Variants in ZNF626 observed in about 807,000 individuals in gnomAD.
The protein encoded by ZNF626 is CTC-513N18.7.
Under a neutral mutation model 11.7 loss-of-function variants are expected in ZNF626, and 4 were observed. The ratio of observed to expected loss-of-function variants is 0.34; its 90% CI spans 0.17 to 0.78. The LOEUF (loss-of-function observed/expected upper bound fraction) is 0.78. ZNF626 is among the 30% of genes least tolerant of loss of function. The probability of loss-of-function intolerance (pLI) is 0.57; values close to 1 mark genes in which losing one functional copy is unlikely to be tolerated. For missense variants in ZNF626, 588 were observed against 587.1 expected, an observed-to-expected ratio of 1.00 and a Z score of -0.01; for synonymous variants, 179 against 198.6, an observed-to-expected ratio of 0.90 and a Z score of 0.83.
rs1389149047 is a variant in ZNF626 at position 20,661,532 on chromosome 19, G to A, written c.-86C>T. On this transcript the variant is annotated 5_prime_UTR_variant, in exon 1 of 4. Coordinates refer to ENST00000601440, the MANE Select transcript of ZNF626 (RefSeq NM_001076675.3). ...GGGGCCACACAGCCTGGGCCTTTAG[G>A]AGAAGAACCAGACCTGGAGCTCTGA... 47 of 1,154,834 alleles carry A rather than the reference G, an allele frequency of 4.1e-5. No individual in the cohort carries two copies. In the South Asian group the frequency reaches 4.5e-4, roughly 11 times the overall value. The allele number at this position is 1,154,834 out of a possible 1,614,324, so 71.5% of individuals were successfully genotyped here.
At chr19:20,650,166 A>C (rs1245854999) in intron 1 of ZNF626, among the ~76,000 whole-genome samples, 1 of 152,024 alleles carries the variant, frequency 6.6e-6, no homozygotes, top group Non-Finnish European at 1.5e-5. Flanking sequence ...GCCGGTACTA[A>C]GTGTATGATA....
chr19:20,652,893 CT>C (rs142149295), intron 1 of ZNF626, among the ~76,000 whole-genome samples: 8 of 152,244 alleles, frequency 5.3e-5, no homozygotes, highest in African/African-American at 1.9e-4. Context: ...TGTCTACTCA[CT>C]ACACACGTTA....
chr19:20,654,188 C>T (rs1460980332), intron 1 of ZNF626, among the ~76,000 whole-genome samples: 1 of 152,214 alleles, frequency 6.6e-6, no homozygotes, highest in East Asian at 1.9e-4. Context: ...AGCCTGTAAT[C>T]CCAGCACTTT....
chr19:20,656,853 A>T (rs1970210745), intron 1 of ZNF626, among the ~76,000 whole-genome samples: 1 of 152,228 alleles, frequency 6.6e-6, no homozygotes, highest in South Asian at 2.1e-4. Flanking sequence ...GTGGGAGTGT[A>T]AATTAGTTCA....
At position 20,625,296 on chromosome 19, in the gene ZNF626, AT is replaced by A; in HGVS notation, c.580del (p.Ile194PhefsTer84). Reference sequence around the variant, plus strand: ...TTTGTAGGGTTTCCCTCCAGTATGAATTTTCTTATGTGTAGTAAGAGTTGAG... The same window carrying A: ...TTTGTAGGGTTTCCCTCCAGTATGAATTTCTTATGTGTAGTAAGAGTTGAG... ...QFSTLTTHKK[I>X]HTGGKPYKCE... On this transcript the variant is annotated frameshift_variant, in exon 4 of 4. Transcript: ENST00000601440. LOFTEE classifies it low-confidence loss of function (END_TRUNC). 1 of 1,613,912 alleles carries A rather than the reference AT, an allele frequency of 6.2e-7. No individual in the cohort carries two copies. The highest frequency in any genetic ancestry group is 8.5e-7 in the Non-Finnish European group (1 of 1,179,994).
At chr19:20,628,975 G>A (rs868934675) in intron 3 of ZNF626, among the ~76,000 whole-genome samples, 121 of 152,236 alleles carry the variant, frequency 7.9e-4, no homozygotes, top group African/African-American at 2.8e-3. Flanking sequence ...TGTAAGGAAC[G>A]GATCCAGTTT....
chr19:20,643,761 A>G (rs1970047137), intron 3 of ZNF626, among the ~76,000 whole-genome samples: 1 of 152,198 alleles, frequency 6.6e-6, no homozygotes, highest in Non-Finnish European at 1.5e-5. Context: ...ACTGTTGGAG[A>G]GAAATGCTTC....
intron 1 of ZNF626, among the ~76,000 whole-genome samples, chr19:20,648,189 AAAG>A (rs1311120233): frequency 6.1e-4 from 93 of 151,654 alleles, no homozygotes; most frequent in Middle Eastern, 3.4e-3. Flanking sequence ...AAAAAAAAAA[AAAG>A]AATCATCAGT....
At chr19:20,641,762 C>G (rs1251502417) in intron 3 of ZNF626, among the ~76,000 whole-genome samples, 1 of 151,794 alleles carries the variant, frequency 6.6e-6, no homozygotes, top group African/African-American at 2.4e-5. Flanking sequence ...CATATGTTCC[C>G]CAGGCTGGTC....
At chr19:20,626,221 G>A (rs956608253) in intron 3 of ZNF626, among the ~76,000 whole-genome samples, 10 of 152,092 alleles carry the variant, frequency 6.6e-5, no homozygotes, top group African/African-American at 2.2e-4. Context: ...GAGATTCCCA[G>A]AATCTCTAGT....
chr19:20,651,082 G>C (rs773339721), intron 1 of ZNF626, among the ~76,000 whole-genome samples: 1 of 151,736 alleles, frequency 6.6e-6, no homozygotes, highest in Non-Finnish European at 1.5e-5. Flanking sequence ...AGCTACTTGG[G>C]AGGCTGAGGC....
intron 3 of ZNF626, among the ~76,000 whole-genome samples, chr19:20,643,074 A>G (rs1555771634): frequency 6.6e-6 from 1 of 152,100 alleles, no homozygotes; most frequent in Non-Finnish European, 1.5e-5. Flanking sequence ...TGTACTCATC[A>G]TATACAGGTA....
In ZNF626 at chr19:20,624,372, ATTCTCTC is replaced by A; in HGVS notation, c.1498_1504del (p.Glu500SerfsTer10). The A allele has an allele frequency of 9.8e-6, 8 of 816,860 alleles. 4 individuals are homozygous for A. Among genetic ancestry groups the A allele is most frequent in the East Asian group, 7.1e-5 (2 of 28,102 alleles). 50.6% of individuals were successfully genotyped at this position (816,860 alleles called of 1,614,324 possible). On this transcript the variant is annotated frameshift_variant, in exon 4 of 4. Coordinates refer to ENST00000601440, the MANE Select transcript of ZNF626 (RefSeq NM_001076675.3). LOFTEE classifies it low-confidence loss of function (END_TRUNC). ...ATTTGTAGAATTTCTCTCCAGTATG[ATTCTCTC>A]ATGTGTAGTAAGGATTGAGGACTGG... is the stretch of plus-strand genomic sequence containing the variant.
intron 3 of ZNF626, among the ~76,000 whole-genome samples, chr19:20,635,786 T>C (rs868948611): frequency 3.3e-5 from 5 of 152,030 alleles, no homozygotes; most frequent in Admixed American, 1.3e-4. Context: ...CAAAAATAAA[T>C]AGACGCTGAA....
chr19:20,645,066 AGTG>A (rs1208241262), intron 3 of ZNF626: 2 of 209,890 alleles, frequency 9.5e-6, no homozygotes, highest in Non-Finnish European at 1.8e-5. Context: ...TTAAAATTGC[AGTG>A]GTACTATTTT....
intron 1 of ZNF626, among the ~76,000 whole-genome samples, chr19:20,659,745 T>C (rs1970244039): frequency 6.6e-6 from 1 of 151,638 alleles, no homozygotes; most frequent in Non-Finnish European, 1.5e-5. Flanking sequence ...AAATCTAATA[T>C]TCTTATTTTA....
At chr19:20,645,279 T>C (rs1970062982) in intron 3 of ZNF626, 2 of 1,489,722 alleles carry the variant, frequency 1.3e-6, no homozygotes, top group Admixed American at 5.1e-5. Flanking sequence ...ACTATTACTC[T>C]CAGACATTTC....
intron 1 of ZNF626, among the ~76,000 whole-genome samples, chr19:20,649,449 A>T (rs782472158): frequency 4.6e-5 from 7 of 152,150 alleles, no homozygotes; most frequent in Non-Finnish European, 1.0e-4. Context: ...TACCAAACGC[A>T]AACAGAACAG....
In ZNF626 at chr19:20,646,309, A is replaced by T; in HGVS notation, c.100T>A (p.Leu34Ile). The change falls in exon 2 of 4, where the codon TTA becomes ATA. Residue 34 changes from leucine (L) to isoleucine (I), a missense_variant. By Grantham distance (5) the Leu-to-Ile change is conservative. This residue lies in a region of ZNF626 where 524 missense variants were observed against 470.1 expected (regional missense o/e 1.11). Coordinates refer to ENST00000601440, the MANE Select transcript of ZNF626 (RefSeq NM_001076675.3). The stretch of plus-strand genomic sequence containing the variant: ...AAGACCAGGTTACTGTAGTTCTCTA[A>T]CATCACATTCCTATATAAATTCCGC... Reference protein sequence around the residue: ...AQRNLYRNVMLENYSNLVFLG... With the variant: ...AQRNLYRNVMIENYSNLVFLG... The T allele has an allele frequency of 6.2e-7, 1 of 1,614,106 alleles. No homozygotes were observed. The highest frequency in any genetic ancestry group is 8.5e-7 in the Non-Finnish European group (1 of 1,179,984).
Sources: allele counts gnomAD v4.1 joint callset (sites outside exome capture counted in the v4.1 genomes callset), GRCh38; gene constraint gnomAD v4.1.1; regional missense constraint gnomAD v4.1.1; transcripts MANE v1.5; gene names NCBI Gene and HGNC (gene_info 2026-07-23, HGNC 2026-07-21).